ANKMY1: variants seen among roughly 807,000 people sequenced by gnomAD.
ANKMY1 encodes ankyrin repeat and MYND domain containing 1.
In ANKMY1, 98 loss-of-function variants were observed where a neutral mutation model predicts 102.0. The ratio of observed to expected loss-of-function variants is 0.96; its 90% CI spans 0.82 to 1.14. ANKMY1 has a LOEUF of 1.14. Among genes scored for constraint, ANKMY1 ranks in the 50% most tolerant of loss-of-function variants. ANKMY1 has a pLI of 0.00. For synonymous variants in ANKMY1, 582 were observed against 559.9 expected (o/e 1.04, Z -0.56); for missense variants, 1,330 against 1,347.6 (o/e 0.99, Z 0.20).
chr2:240,472,258 T>TCCACGGCCGCACGCGGGGACGCAGGC, the ANKMY1 span, among the ~76,000 whole-genome samples: 17 of 124,188 alleles, frequency 1.4e-4, no homozygotes, highest in African/African-American at 4.3e-4. Context: ...GGCCTACCAA[T>TCCACGGCCGCACGCGGGGACGCAGGC]CTACGGCCGC....
intron 13 of ANKMY1, among the ~76,000 whole-genome samples, chr2:240,502,212 A>T (rs1309008655): frequency 7.8e-6 from 1 of 128,850 alleles, no homozygotes; most frequent in African/African-American, 3.1e-5. Flanking sequence ...CCCAGGCCTC[A>T]CTCAGTCCTG....
chr2:240,560,230 CCACG>C, upstream of ANKMY1: 1 of 156,912 alleles, frequency 6.4e-6, no homozygotes, highest in Non-Finnish European at 1.4e-5. Flanking sequence ...AGCCCGCCGT[CCACG>C]TGCACCGGGT....
chr2:240,555,936 G>A (rs540710234), intron 2 of ANKMY1, among the ~76,000 whole-genome samples: 16 of 152,232 alleles, frequency 1.1e-4, no homozygotes, highest in East Asian at 3.9e-4. Context: ...TGGATGGGGC[G>A]TCTCAAAGGG....
rs774023702 is a variant in ANKMY1, at chr2:240,512,022, C to T, written c.2146-21G>A. 9.9e-6 allele frequency: 15 copies of T among 1,519,220 alleles called. No individual in the cohort carries two copies. The African/African-American group carries it at 1.6e-4, about 16-fold the overall frequency. 94.1% of individuals were successfully genotyped at this position (1,519,220 alleles called of 1,614,324 possible). A position where few individuals can be genotyped will look rare whatever the true frequency, so the allele number is the denominator to read the frequency against. ...TCCAGCTGTGTAAAACGGAGGGCTC[C>T]GCCAGCGCCCACGGACCTGCCGTGT... On this transcript the variant is annotated intron_variant, in intron 10 of 17. Transcript: ENST00000401804.
At chr2:240,538,129 A>G (rs2087364680) in intron 4 of ANKMY1, among the ~76,000 whole-genome samples, 1 of 152,234 alleles carries the variant, frequency 6.6e-6, no homozygotes, top group African/African-American at 2.4e-5. Flanking sequence ...ACGTGCTAGC[A>G]GCCCTCGCTC....
intron 15 of ANKMY1, among the ~76,000 whole-genome samples, chr2:240,491,277 A>G (rs925658267): frequency 6.6e-6 from 1 of 152,034 alleles, no homozygotes; most frequent in African/African-American, 2.4e-5. Flanking sequence ...TTTTTTGATC[A>G]TGGATCATTT....
intron 4 of ANKMY1, among the ~76,000 whole-genome samples, chr2:240,530,994 T>C (rs557009210): frequency 3.5e-4 from 53 of 151,596 alleles, no homozygotes; most frequent in Non-Finnish European, 7.1e-4. Flanking sequence ...AAGCCACTAC[T>C]GGGATAAAAT....
chr2:240,541,754 G>A (rs921426388), intron 4 of ANKMY1, among the ~76,000 whole-genome samples: 2 of 151,688 alleles, frequency 1.3e-5, no homozygotes, highest in Non-Finnish European at 1.5e-5. Flanking sequence ...CACCTGCCTC[G>A]GCCTTCCAAA....
At chr2:240,487,657 G>T (rs2151901707) in intron 15 of ANKMY1, among the ~76,000 whole-genome samples, 1 of 151,082 alleles carries the variant, frequency 6.6e-6, no homozygotes, top group East Asian at 1.9e-4. Flanking sequence ...TTTTATAATA[G>T]CCATTCTGAC....
At chr2:240,561,032 G>T, upstream of ANKMY1, 3 of 1,533,260 alleles carry the variant, frequency 2.0e-6, no homozygotes, top group Non-Finnish European at 2.6e-6. Flanking sequence ...TCTGCACCGC[G>T]TACCTCATGC....
intron 3 of ANKMY1, 169 bp from the exon 4 acceptor site, chr2:240,553,226 C>A: frequency 2.7e-6 from 2 of 747,630 alleles, no homozygotes; most frequent in Non-Finnish European, 4.3e-6. Flanking sequence ...ACTGAAGCAC[C>A]CAGAGGGGTT....
At chr2:240,494,083 G>A (rs1268543605) in intron 15 of ANKMY1, among the ~76,000 whole-genome samples, 2 of 152,152 alleles carry the variant, frequency 1.3e-5, no homozygotes, top group Admixed American at 6.5e-5. Context: ...TCCAACCTCA[G>A]GCCCCCAGGA....
At chr2:240,538,384 G>A (rs986056515) in intron 4 of ANKMY1, among the ~76,000 whole-genome samples, 2 of 152,182 alleles carry the variant, frequency 1.3e-5, no homozygotes, top group Non-Finnish European at 2.9e-5. Flanking sequence ...GCCACCAGCC[G>A]GTGCCACTTG....
chr2:240,509,872 G>A (rs976411095), intron 11 of ANKMY1, among the ~76,000 whole-genome samples: 1 of 151,998 alleles, frequency 6.6e-6, no homozygotes, highest in African/African-American at 2.4e-5. Context: ...TGAGTGTAAA[G>A]AGCCCCACCC....
chr2:240,515,753 C>T (rs2081076953), intron 9 of ANKMY1, among the ~76,000 whole-genome samples: 1 of 151,872 alleles, frequency 6.6e-6, no homozygotes, highest in Non-Finnish European at 1.5e-5. Context: ...AGTCTCACAC[C>T]ATTGCCCAGG....
At chr2:240,474,475 T>C (rs2074729405), downstream of ANKMY1, among the ~76,000 whole-genome samples, 1 of 152,012 alleles carries the variant, frequency 6.6e-6, no homozygotes, top group Non-Finnish European at 1.5e-5. Context: ...ATAGGTAAAC[T>C]CGTGTCATGG....
the ANKMY1 span, among the ~76,000 whole-genome samples, chr2:240,470,155 T>C: frequency 6.6e-6 from 1 of 152,180 alleles, no homozygotes; most frequent in Non-Finnish European, 1.5e-5. Flanking sequence ...GAAACACCAT[T>C]TATAATCGCA....
chr2:240,483,156 CG>C (rs1329097711), intron 15 of ANKMY1, among the ~76,000 whole-genome samples: 6 of 151,858 alleles, frequency 4.0e-5, no homozygotes, highest in South Asian at 2.1e-4. Context: ...TTTGTATCAT[CG>C]AATTTTTTTT....
chr2:240,497,302 C>T (rs1021982648), intron 15 of ANKMY1, among the ~76,000 whole-genome samples: 2 of 152,210 alleles, frequency 1.3e-5, no homozygotes, highest in African/African-American at 4.8e-5. Context: ...CTTGGAAGCA[C>T]AGTAAGTCTG....
Sources: allele counts gnomAD v4.1 joint callset (sites outside exome capture counted in the v4.1 genomes callset), GRCh38; gene constraint gnomAD v4.1.1; transcripts MANE v1.5; gene names NCBI Gene and HGNC (gene_info 2026-07-23, HGNC 2026-07-21).